RIC3: variants seen among roughly 807,000 people sequenced by gnomAD.
RIC3 encodes RIC3 acetylcholine receptor chaperone, also known as protein RIC-3.
RIC3 carries 28 observed loss-of-function variants against 27.3 expected under a neutral mutation model. The ratio of observed to expected loss-of-function variants is 1.02; its 90% confidence interval spans 0.76 to 1.41. The LOEUF (loss-of-function observed/expected upper bound fraction) is 1.41, where lower values mean the gene tolerates loss of function less well. Ranked by LOEUF, RIC3 falls within the 40% of genes most tolerant of loss-of-function variation. RIC3 has a pLI of 0.00. For missense variants in RIC3, 501 were observed against 444.7 expected, an observed-to-expected ratio of 1.13 and a Z score of -1.14; for synonymous variants, 184 against 160.4, an observed-to-expected ratio of 1.15 and a Z score of -1.11.
Position 8,138,352 on chromosome 11 carries a change from G to T in RIC3, c.352-5C>A. The stretch of plus-strand genomic sequence containing the variant: ...AGTTGTTTTCCCCTTTGAGAGCTGA[G>T]AATTGAAGGAGGTATAGCACATCAA... On this transcript the variant is annotated splice_region_variant and splice_polypyrimidine_tract_variant and intron_variant, in intron 2 of 5. Coordinates refer to ENST00000309737, the MANE Select transcript of RIC3 (RefSeq NM_001206671.4). 2 of 1,599,104 alleles carry T rather than the reference G, an allele frequency of 1.3e-6. No homozygotes were observed. The highest frequency in any genetic ancestry group is 1.7e-6 in the Non-Finnish European group (2 of 1,166,826).
intron 1 of RIC3, among the ~76,000 whole-genome samples, chr11:8,152,401 G>C (rs576150801): frequency 6.6e-6 from 1 of 152,266 alleles, no homozygotes; most frequent in East Asian, 1.9e-4. Context: ...AAGGAATAAA[G>C]TACTGATCCA....
downstream of RIC3, chr11:8,101,336 GCCTTTGTTTTACTTC>G: frequency 3.9e-6 from 4 of 1,026,582 alleles, no homozygotes; most frequent in South Asian, 4.5e-5. Context: ...CTCCCAATTG[GCCTTTGTTTTACTTC>G]CCTTTGTGAT....
At chr11:8,128,695 T>C (rs1230576900) in intron 4 of RIC3, among the ~76,000 whole-genome samples, 2 of 151,514 alleles carry the variant, frequency 1.3e-5, no homozygotes, top group African/African-American at 4.8e-5. Flanking sequence ...ATTATTTTCT[T>C]CCACCTCCCT....
downstream of RIC3, chr11:8,101,671 C>T: frequency 6.3e-7 from 1 of 1,599,804 alleles, no homozygotes; most frequent in Non-Finnish European, 8.5e-7. Flanking sequence ...AGCTTGCCTG[C>T]CTGCCTGTGG....
chr11:8,113,933 C>A (rs1433218332), intron 5 of RIC3, among the ~76,000 whole-genome samples: 2 of 152,190 alleles, frequency 1.3e-5, no homozygotes, highest in African/African-American at 4.8e-5. Flanking sequence ...CCCTTGTGGA[C>A]CTAGGCTTTG....
chr11:8,123,186 T>C (rs190080970), intron 5 of RIC3, among the ~76,000 whole-genome samples: 134 of 149,502 alleles, frequency 9.0e-4, no homozygotes, highest in Admixed American at 5.0e-3. Flanking sequence ...AAACTAAGCA[T>C]GGTAAGAAAA....
intron 1 of RIC3, among the ~76,000 whole-genome samples, chr11:8,148,007 G>A (rs1036057859): frequency 6.6e-6 from 1 of 152,184 alleles, no homozygotes; most frequent in Non-Finnish European, 1.5e-5. Flanking sequence ...TTACAGGCAT[G>A]AGCCGAATTT....
the RIC3 span, chr11:8,100,885 G>A: frequency 3.7e-6 from 6 of 1,614,160 alleles, no homozygotes; most frequent in East Asian, 2.2e-5. Context: ...TCATCGAGCT[G>A]CAAAACAAGA....
downstream of RIC3, chr11:8,104,765 C>CTTAAAAATCAAGACACTAGTTCAGA (rs1334367424): frequency 1.3e-5 from 2 of 152,042 alleles, no homozygotes; most frequent in African/African-American, 4.8e-5. Context: ...GTGAATGTGC[C>CTTAAAAATCAAGACACTAGTTCAGA]TTAAAAATCA....
the RIC3 span, chr11:8,098,671 C>A: frequency 1.0e-6 from 1 of 960,540 alleles, no homozygotes; most frequent in South Asian, 1.5e-5. Flanking sequence ...GAATGTTTTG[C>A]AGGCTCCTCA....
rs757536271 is a variant in RIC3, at chr11:8,126,773, G to A, written c.556C>T (p.Arg186Trp). The change falls in exon 5 of 6, where the codon CGG becomes TGG. Residue 186 changes from arginine to tryptophan, a missense_variant. By Grantham distance (101) the Arg-to-Trp change is moderately radical. Transcript: ENST00000309737. Reference sequence around the variant, plus strand: ...ATTTCTCGGAGCTGATGTAGCAACCGTTTCTCTTGGTCAGAAGTCACAGTC... The same window carrying A: ...ATTTCTCGGAGCTGATGTAGCAACCATTTCTCTTGGTCAGAAGTCACAGTC... ...AQTVTSDQEK[R>W]LLHQLREITR... is the part of the protein sequence containing the mutation. The A allele has an allele frequency of 1.6e-5, 26 of 1,614,046 alleles. No individual in the cohort carries two copies. The highest frequency in any genetic ancestry group is 1.0e-4 in the Admixed American group (6 of 60,016).
chr11:8,135,180 C>T (rs1948241367), intron 4 of RIC3, among the ~76,000 whole-genome samples: 1 of 152,166 alleles, frequency 6.6e-6, no homozygotes. Flanking sequence ...GGAAGGGATC[C>T]AGTTTCAGCT....
At chr11:8,147,525 G>A (rs751808164) in intron 1 of RIC3, among the ~76,000 whole-genome samples, 44 of 151,986 alleles carry the variant, frequency 2.9e-4, no homozygotes, top group Admixed American at 1.0e-3. Flanking sequence ...AACCTTGCAG[G>A]GCAATTTCAA....
At chr11:8,130,098 T>G (rs558569698) in intron 4 of RIC3, among the ~76,000 whole-genome samples, 1 of 152,354 alleles carries the variant, frequency 6.6e-6, no homozygotes, top group African/African-American at 2.4e-5. Flanking sequence ...TACTCTTATC[T>G]GGTTAGTAGT....
rs76630090 is a variant in RIC3, at chr11:8,125,993, T to C, written c.670+666A>G. Among the ~76,000 whole-genome samples, 458 of 152,278 alleles carry C rather than the reference T, an allele frequency of 3.0e-3. 1 individual carries two copies. The highest frequency in any genetic ancestry group is 0.014 in the Middle Eastern group (4 of 294). ...GGTAGAGGTTGCAGCGAGCTGAGATTGCTCTGCAAACTCCAGCCTGGGCGA... is the reference window on the plus strand; with the variant it reads ...GGTAGAGGTTGCAGCGAGCTGAGATCGCTCTGCAAACTCCAGCCTGGGCGA... On this transcript the variant is annotated intron_variant, in intron 5 of 5. Transcript: ENST00000309737.
At chr11:8,128,307 C>T (rs998948956) in intron 4 of RIC3, 2 of 456,940 alleles carry the variant, frequency 4.4e-6, no homozygotes, top group Non-Finnish European at 8.8e-6. Flanking sequence ...ATGAATGAAA[C>T]AGTCTTAATT....
At chr11:8,154,402 T>C (rs983383963) in intron 1 of RIC3, among the ~76,000 whole-genome samples, 1 of 152,208 alleles carries the variant, frequency 6.6e-6, no homozygotes, top group African/African-American at 2.4e-5. Flanking sequence ...GTGGTGACGG[T>C]TGCACAACAG....
intron 4 of RIC3, among the ~76,000 whole-genome samples, chr11:8,135,292 T>G (rs1204828685): frequency 6.6e-6 from 1 of 152,234 alleles, no homozygotes; most frequent in Non-Finnish European, 1.5e-5. Flanking sequence ...CAGATAGTTG[T>G]AGATGTGTGA....
At chr11:8,164,219 A>G (rs1417630257) in intron 1 of RIC3, among the ~76,000 whole-genome samples, 1 of 152,176 alleles carries the variant, frequency 6.6e-6, no homozygotes, top group Non-Finnish European at 1.5e-5. Context: ...AGGAGCAAAA[A>G]CTATAAAACT....
Sources: allele counts gnomAD v4.1 joint callset (sites outside exome capture counted in the v4.1 genomes callset), GRCh38; gene constraint gnomAD v4.1.1; transcripts MANE v1.5; gene names NCBI Gene and HGNC (gene_info 2026-07-23, HGNC 2026-07-21).